Variants in CDYL2 observed in about 807,000 individuals in gnomAD.
CDYL2 encodes chromodomain Y-like protein 2.
A neutral mutation model predicts 49.4 loss-of-function variants in CDYL2; 23 were observed. The observed-to-expected ratio is 0.47, with a 90% confidence interval of 0.34 to 0.66. The LOEUF (loss-of-function observed/expected upper bound fraction) is 0.66, where lower values mean the gene tolerates loss of function less well. CDYL2 is among the 30% of genes least tolerant of loss of function. The probability of loss-of-function intolerance (pLI) is 0.01; values close to 1 mark genes in which losing one functional copy is unlikely to be tolerated. For missense variants in CDYL2, 678 were observed against 656.4 expected (o/e 1.03, Z -0.36); for synonymous variants, 360 against 268.8 (o/e 1.34, Z -3.32).
chr16:80,701,766 T>G (rs953274046), intron 1 of CDYL2, among the ~76,000 whole-genome samples: 1 of 152,218 alleles, frequency 6.6e-6, no homozygotes, highest in Non-Finnish European at 1.5e-5. Context: ...AAAGTCCCAA[T>G]GAGTTCATTT....
intron 2 of CDYL2, chr16:80,670,868 G>A: frequency 2.2e-6 from 1 of 455,652 alleles, no homozygotes; most frequent in Non-Finnish European, 4.4e-6. Flanking sequence ...TCTATACACA[G>A]CATAGTCAGG....
At chr16:80,803,443 CG>C (rs1013787388) in intron 1 of CDYL2, among the ~76,000 whole-genome samples, 1 of 152,104 alleles carries the variant, frequency 6.6e-6, no homozygotes, top group African/African-American at 2.4e-5. Context: ...CGCCCCCTTT[CG>C]CCCCCAGGGA....
intron 2 of CDYL2, among the ~76,000 whole-genome samples, chr16:80,636,663 A>G (rs1371775284): frequency 2.0e-5 from 3 of 152,198 alleles, no homozygotes; most frequent in Non-Finnish European, 4.4e-5. Context: ...TCAAGGATCT[A>G]GAACTAGAAA....
chr16:80,684,492 T>A lies in CDYL2; in HGVS notation c.616+46A>T, dbSNP rs113340497. The A allele has an allele frequency of 4.5e-6, 7 of 1,562,142 alleles. No individual in the cohort carries two copies. In the African/African-American group the frequency reaches 9.5e-5, roughly 21 times the overall value. Reference sequence around the variant, plus strand: ...CCTAGGCTACAGGCAGAGCTCCCCTTTCGCCATGGCCAGAGCCAAACCCAA... The same window carrying A: ...CCTAGGCTACAGGCAGAGCTCCCCTATCGCCATGGCCAGAGCCAAACCCAA... On this transcript the variant is annotated intron_variant, in intron 2 of 6. Coordinates refer to ENST00000570137, the MANE Select transcript of CDYL2 (RefSeq NM_152342.4).
intron 1 of CDYL2, among the ~76,000 whole-genome samples, chr16:80,741,170 A>G (rs1012098924): frequency 6.7e-6 from 1 of 150,068 alleles, no homozygotes; most frequent in Non-Finnish European, 1.5e-5. Context: ...TAATATATAT[A>G]TAACATGTAC....
chr16:80,772,268 G>C (rs1906930007), intron 1 of CDYL2, among the ~76,000 whole-genome samples: 1 of 152,154 alleles, frequency 6.6e-6, no homozygotes, highest in African/African-American at 2.4e-5. Context: ...GCTGGACATG[G>C]AGAGGGAAGT....
chr16:80,726,114 G>A (rs1314884027), intron 1 of CDYL2, among the ~76,000 whole-genome samples: 1 of 152,186 alleles, frequency 6.6e-6, no homozygotes, highest in Non-Finnish European at 1.5e-5. Context: ...GATGAAATAA[G>A]ATTGCTCATC....
At chr16:80,690,846 A>C (rs1026457835) in intron 1 of CDYL2, among the ~76,000 whole-genome samples, 2 of 152,156 alleles carry the variant, frequency 1.3e-5, no homozygotes, top group African/African-American at 4.8e-5. Context: ...ATTGGTCCAA[A>C]TGGAAACAGA....
At chr16:80,775,799 A>G (rs993604227) in intron 1 of CDYL2, among the ~76,000 whole-genome samples, 4 of 151,718 alleles carry the variant, frequency 2.6e-5, no homozygotes, top group African/African-American at 9.7e-5. Flanking sequence ...TACAGAATTT[A>G]CTTGATATAG....
chr16:80,642,890 T>C (rs1458938313), intron 2 of CDYL2, among the ~76,000 whole-genome samples: 1 of 152,034 alleles, frequency 6.6e-6, no homozygotes, highest in Non-Finnish European at 1.5e-5. Flanking sequence ...GGACACACAG[T>C]CAAACCATAT....
chr16:80,646,819 A>C (rs1477140071), intron 2 of CDYL2, among the ~76,000 whole-genome samples: 2 of 151,750 alleles, frequency 1.3e-5, no homozygotes, highest in Non-Finnish European at 2.9e-5. Flanking sequence ...ACAAAACAAA[A>C]CAAACAAAAA....
chr16:80,692,332 C>A (rs1910449768), intron 1 of CDYL2, among the ~76,000 whole-genome samples: 1 of 152,278 alleles, frequency 6.6e-6, no homozygotes, highest in South Asian at 2.1e-4. Flanking sequence ...ACATTATGTT[C>A]CAGAACACCT....
At chr16:80,670,901 G>A (rs769096747) in intron 2 of CDYL2, 30 of 455,906 alleles carry the variant, frequency 6.6e-5, no homozygotes, top group South Asian at 4.6e-4. Context: ...AAGATAAAAG[G>A]GGCTCTATAC....
chr16:80,657,129 G>A (rs930314443), intron 2 of CDYL2, among the ~76,000 whole-genome samples: 1 of 152,164 alleles, frequency 6.6e-6, no homozygotes, highest in Non-Finnish European at 1.5e-5. Flanking sequence ...CTCACGCTTA[G>A]AAAACAAGCC....
intron 4 of CDYL2, among the ~76,000 whole-genome samples, chr16:80,617,688 C>T (rs938289999): frequency 6.6e-6 from 1 of 152,214 alleles, no homozygotes; most frequent in African/African-American, 2.4e-5. Context: ...TCTCTACACG[C>T]CGCATCTTCT....
intron 2 of CDYL2, chr16:80,662,692 G>A: frequency 2.2e-6 from 1 of 454,640 alleles, no homozygotes. Flanking sequence ...ATCCACATAT[G>A]GCTATTGAAA....
chr16:80,759,964 T>A (rs1906470213), intron 1 of CDYL2, among the ~76,000 whole-genome samples: 1 of 152,198 alleles, frequency 6.6e-6, no homozygotes, highest in African/African-American at 2.4e-5. Flanking sequence ...AATTACTGTC[T>A]CAGGGTAAAT....
intron 2 of CDYL2, among the ~76,000 whole-genome samples, chr16:80,657,043 A>G (rs74528806): frequency 0.026 from 3,935 of 152,274 alleles, 136 homozygotes; most frequent in African/African-American, 0.07. Flanking sequence ...GAGAGAAGGA[A>G]CGAGAAACGA....
At chr16:80,774,506 A>G (rs570521556) in intron 1 of CDYL2, among the ~76,000 whole-genome samples, 1 of 152,274 alleles carries the variant, frequency 6.6e-6, no homozygotes, top group Admixed American at 6.5e-5. Context: ...ACTGTTAATA[A>G]CAATGTATTA....
Sources: allele counts gnomAD v4.1 joint callset (sites outside exome capture counted in the v4.1 genomes callset), GRCh38; gene constraint gnomAD v4.1.1; transcripts MANE v1.5; gene names NCBI Gene and HGNC (gene_info 2026-07-23, HGNC 2026-07-21).